CFAP299: variants seen among roughly 807,000 people sequenced by gnomAD.
The protein encoded by CFAP299 is cilia and flagella associated protein 299, also known as cilia- and flagella-associated protein 299.
Under a neutral mutation model 27.0 loss-of-function variants are expected in CFAP299, and 21 were observed. The observed-to-expected ratio is 0.78, with a 90% CI of 0.55 to 1.12. The LOEUF (loss-of-function observed/expected upper bound fraction) is 1.12, where lower values mean the gene tolerates loss of function less well. Among genes scored for constraint, CFAP299 ranks in the 50% most tolerant of loss-of-function variants. The probability of loss-of-function intolerance (pLI) is 0.00; values close to 1 mark genes in which losing one functional copy is unlikely to be tolerated. For missense variants in CFAP299, 310 were observed against 276.6 expected, an observed-to-expected ratio of 1.12 and a Z score of -0.86; for synonymous variants, 104 against 98.1, an observed-to-expected ratio of 1.06 and a Z score of -0.36.
intron 4 of CFAP299, among the ~76,000 whole-genome samples, chr4:80,936,423 G>A (rs1736893467): frequency 1.3e-5 from 2 of 151,940 alleles, no homozygotes; most frequent in South Asian, 4.1e-4. Flanking sequence ...AGAAAACGTA[G>A]TACATATACA....
chr4:80,670,716 G>T (rs1358246885), intron 3 of CFAP299, among the ~76,000 whole-genome samples: 1 of 152,148 alleles, frequency 6.6e-6, no homozygotes, highest in African/African-American at 2.4e-5. Flanking sequence ...TTGTGGTTTT[G>T]ATTTGCATTT....
chr4:80,799,803 ATATATAAATATATATATTATATATATT>A, intron 3 of CFAP299, among the ~76,000 whole-genome samples: 5 of 29,178 alleles, frequency 1.7e-4, no homozygotes, highest in African/African-American at 1.1e-3. Flanking sequence ...ATATTATATA[ATATATAAATATATATATTATATATATT>A]TATATATTAT....
intron 3 of CFAP299, among the ~76,000 whole-genome samples, chr4:80,800,557 T>TATATAATATATTAATATAAATATATAA (rs376169005): frequency 2.6e-5 from 1 of 37,840 alleles, no homozygotes; most frequent in Non-Finnish European, 3.8e-5. Context: ...TATCAATATA[T>TATATAATATATTAATATAAATATATAA]TATATAATAT....
At chr4:80,652,647 A>G (rs1266002056) in intron 3 of CFAP299, among the ~76,000 whole-genome samples, 1 of 152,160 alleles carries the variant, frequency 6.6e-6, no homozygotes, top group Non-Finnish European at 1.5e-5. Flanking sequence ...TATTGAATGC[A>G]TCATATGAAC....
chr4:80,736,199 G>T (rs978412085), intron 3 of CFAP299, among the ~76,000 whole-genome samples: 4 of 152,072 alleles, frequency 2.6e-5, no homozygotes, highest in South Asian at 2.1e-4. Flanking sequence ...TTCCTCTAGG[G>T]TTTTTATGGT....
intron 3 of CFAP299, among the ~76,000 whole-genome samples, chr4:80,740,585 C>G (rs1724200945): frequency 6.6e-6 from 1 of 152,208 alleles, no homozygotes; most frequent in South Asian, 2.1e-4. Context: ...CAGATGAATA[C>G]TGGGCCTTGC....
intron 3 of CFAP299, among the ~76,000 whole-genome samples, chr4:80,715,078 A>G (rs1722402221): frequency 6.6e-6 from 1 of 152,090 alleles, no homozygotes; most frequent in Non-Finnish European, 1.5e-5. Flanking sequence ...TTTTCCAGGT[A>G]GTTCCCTGTC....
At chr4:80,554,239 A>G (rs779925588) in intron 2 of CFAP299, among the ~76,000 whole-genome samples, 1 of 152,172 alleles carries the variant, frequency 6.6e-6, no homozygotes, top group African/African-American at 2.4e-5. Context: ...CATTTATTGA[A>G]TATCAAGTCT....
chr4:80,637,510 T>C (rs1238070588), intron 3 of CFAP299, among the ~76,000 whole-genome samples: 1 of 152,116 alleles, frequency 6.6e-6, no homozygotes, highest in African/African-American at 2.4e-5. Flanking sequence ...AATAACAAGG[T>C]GGTCAGTCAT....
intron 3 of CFAP299, among the ~76,000 whole-genome samples, chr4:80,742,632 C>A (rs1220089485): frequency 6.6e-6 from 1 of 151,944 alleles, no homozygotes; most frequent in East Asian, 1.9e-4. Flanking sequence ...AATGGATGGG[C>A]TATTTTGCTA....
chr4:80,894,602 G>A (rs759504194), intron 4 of CFAP299, among the ~76,000 whole-genome samples: 4 of 151,708 alleles, frequency 2.6e-5, no homozygotes, highest in Non-Finnish European at 5.9e-5. Flanking sequence ...ATATGAATTG[G>A]TACAGCCATT....
chr4:80,859,946 G>A (rs1158073859), intron 3 of CFAP299, among the ~76,000 whole-genome samples: 2 of 152,112 alleles, frequency 1.3e-5, no homozygotes, highest in Admixed American at 6.6e-5. Flanking sequence ...TCCTGAATCT[G>A]AATGTTGGCC....
intron 2 of CFAP299, among the ~76,000 whole-genome samples, chr4:80,581,471 TA>T (rs1256998416): frequency 2.2e-5 from 3 of 138,112 alleles, no homozygotes; most frequent in Admixed American, 7.1e-5. Flanking sequence ...TATATATATA[TA>T]TATATATATA....
chr4:80,799,877 A>G lies in CFAP299; in HGVS notation c.334-70116A>G, dbSNP rs960900900. Among the ~76,000 whole-genome samples, 312 of 33,586 alleles carry G rather than the reference A, an allele frequency of 9.3e-3. 20 individuals carry two copies. The highest frequency in any genetic ancestry group is 0.044 in the African/African-American group (304 of 6,952). 22.0% of individuals were successfully genotyped at this position (33,586 alleles called of 152,430 possible). ...TATAAATATATATTATATATATTAT[A>G]TTATATAATATATAAATTATATATT... is the stretch of plus-strand genomic sequence containing the variant. On this transcript the variant is annotated intron_variant, in intron 3 of 5. Coordinates refer to ENST00000358105, the MANE Select transcript of CFAP299 (RefSeq NM_152770.3).
intron 3 of CFAP299, among the ~76,000 whole-genome samples, chr4:80,777,695 A>G (rs1726632178): frequency 6.6e-6 from 1 of 152,146 alleles, no homozygotes; most frequent in Non-Finnish European, 1.5e-5. Flanking sequence ...AAACTAACTC[A>G]AAGAAGACAT....
intron 3 of CFAP299, among the ~76,000 whole-genome samples, chr4:80,704,628 T>C (rs751721080): frequency 5.3e-5 from 8 of 151,776 alleles, no homozygotes; most frequent in East Asian, 1.9e-4. Flanking sequence ...AGTGTTATCA[T>C]TGGCAAAAGA....
intron 3 of CFAP299, among the ~76,000 whole-genome samples, chr4:80,801,763 A>C (rs1024465227): frequency 3.3e-5 from 5 of 152,232 alleles, no homozygotes; most frequent in African/African-American, 9.6e-5. Flanking sequence ...CACTTTGAAA[A>C]AGGCAAATTT....
At chr4:80,387,253 G>A (rs1467835225) in intron 2 of CFAP299, 7 of 1,597,552 alleles carry the variant, frequency 4.4e-6, no homozygotes, top group South Asian at 2.2e-5. Context: ...AGTGGCCGGG[G>A]TAGCTCAGCT....
intron 5 of CFAP299, among the ~76,000 whole-genome samples, chr4:80,951,596 T>A (rs1354142742): frequency 1.3e-5 from 2 of 152,132 alleles, no homozygotes; most frequent in African/African-American, 4.8e-5. Context: ...TTTCTCAAAT[T>A]CACCAATCAG....
Sources: allele counts gnomAD v4.1 joint callset (sites outside exome capture counted in the v4.1 genomes callset), GRCh38; gene constraint gnomAD v4.1.1; transcripts MANE v1.5; gene names NCBI Gene and HGNC (gene_info 2026-07-23, HGNC 2026-07-21).